The following TPST1 variants were observed in gnomAD, a reference collection of about 807,000 sequenced individuals.
TPST1 encodes tyrosylprotein sulfotransferase 1, also known as protein-tyrosine sulfotransferase 1.
In TPST1, 20 loss-of-function variants were observed where a neutral mutation model predicts 34.8. The observed-to-expected ratio is 0.57, with a 90% CI of 0.40 to 0.84. TPST1 has a LOEUF of 0.84. Ranked by LOEUF, TPST1 falls within the 40% of genes least tolerant of loss-of-function variation. The pLI, the probability that TPST1 is intolerant of heterozygous loss-of-function variation, is 0.00. For synonymous variants in TPST1, 152 were observed against 159.4 expected (o/e 0.95, Z 0.35); for missense variants, 353 against 455.5 (o/e 0.78, Z 2.05).
At chr7:66,315,687 T>C (rs1023790447) in intron 3 of TPST1, among the ~76,000 whole-genome samples, 43 of 152,218 alleles carry the variant, frequency 2.8e-4, no homozygotes, top group African/African-American at 1.0e-3. Context: ...AGTATAAATA[T>C]CTTGGTTCTT....
chr7:66,350,706 A>AT (rs1792459420), intron 3 of TPST1, among the ~76,000 whole-genome samples: 1 of 152,204 alleles, frequency 6.6e-6, no homozygotes, highest in South Asian at 2.1e-4. Context: ...CTGAAGGACT[A>AT]TCCAGTAACT....
intron 1 of TPST1, among the ~76,000 whole-genome samples, chr7:66,224,099 C>T (rs1789600601): frequency 6.6e-6 from 1 of 152,074 alleles, no homozygotes; most frequent in Non-Finnish European, 1.5e-5. Flanking sequence ...GGTCTGGTGC[C>T]AGCCCCTAAC....
chr7:66,199,456 A>G, the TPST1 span, among the ~76,000 whole-genome samples: 1 of 151,472 alleles, frequency 6.6e-6, no homozygotes, highest in Non-Finnish European at 1.5e-5. Context: ...CACCACACCC[A>G]GCTAATTTTT....
At chr7:66,280,795 AT>A (rs1790917454) in intron 2 of TPST1, among the ~76,000 whole-genome samples, 1 of 152,148 alleles carries the variant, frequency 6.6e-6, no homozygotes, top group Non-Finnish European at 1.5e-5. Flanking sequence ...GCTATTGTTC[AT>A]TACTTGATGC....
At chr7:66,351,616 C>T (rs939440315) in intron 3 of TPST1, among the ~76,000 whole-genome samples, 1 of 151,470 alleles carries the variant, frequency 6.6e-6, no homozygotes, top group Non-Finnish European at 1.5e-5. Context: ...CTATTCTTGG[C>T]CCTGTGTATT....
chr7:66,215,532 G>A (rs1174759678), intron 1 of TPST1, among the ~76,000 whole-genome samples: 2 of 150,570 alleles, frequency 1.3e-5, no homozygotes, highest in East Asian at 2.0e-4. Flanking sequence ...CTGCCACCAC[G>A]CCCAGCTAAT....
intron 3 of TPST1, among the ~76,000 whole-genome samples, chr7:66,321,281 G>A (rs1791751801): frequency 1.3e-5 from 2 of 152,208 alleles, no homozygotes; most frequent in African/African-American, 4.8e-5. Context: ...TTCCAATCAA[G>A]GAAGCTCACC....
chr7:66,298,730 A>G (rs1791251619), intron 3 of TPST1, among the ~76,000 whole-genome samples: 1 of 151,852 alleles, frequency 6.6e-6, no homozygotes, highest in Non-Finnish European at 1.5e-5. Flanking sequence ...TCCATTTTAT[A>G]TATTATCTCC....
chr7:66,217,399 A>G (rs976370020), intron 1 of TPST1, among the ~76,000 whole-genome samples: 1 of 151,902 alleles, frequency 6.6e-6, no homozygotes. Context: ...TTATAATTGT[A>G]TTTTTTTGAT....
chr7:66,264,914 C>CA lies in TPST1; in HGVS notation c.846-21591dup, dbSNP rs992064057. ...ATATCTTAAACAAAACAAAACAAAA[C>CA]AAAAAACCCAAAAACCTAACTGAAA... On this transcript the variant is annotated intron_variant, in intron 2 of 5. Transcript: ENST00000304842. Among the ~76,000 whole-genome samples the CA allele has an allele frequency of 7.2e-5, 11 of 152,002 alleles. 1 individual carries two copies. The highest frequency in any genetic ancestry group is 2.0e-4 in the Admixed American group (3 of 15,272).
At chr7:66,325,863 T>C (rs2116233704) in intron 3 of TPST1, among the ~76,000 whole-genome samples, 1 of 152,304 alleles carries the variant, frequency 6.6e-6, no homozygotes, top group East Asian at 1.9e-4. Context: ...CTCGAACTCC[T>C]GAGCTCGTGA....
intron 2 of TPST1, among the ~76,000 whole-genome samples, chr7:66,253,198 G>A (rs1158146865): frequency 6.6e-6 from 1 of 152,168 alleles, no homozygotes; most frequent in Non-Finnish European, 1.5e-5. Context: ...GAAGATGTAT[G>A]TAGGTTATAT....
chr7:66,277,089 T>C (rs1790832971), intron 2 of TPST1, among the ~76,000 whole-genome samples: 1 of 152,152 alleles, frequency 6.6e-6, no homozygotes, highest in African/African-American at 2.4e-5. Flanking sequence ...GGGCCTTCTC[T>C]TTCCTTTGTC....
chr7:66,314,602 G>T (rs963779990), intron 3 of TPST1, among the ~76,000 whole-genome samples: 14 of 152,204 alleles, frequency 9.2e-5, no homozygotes, highest in Admixed American at 3.3e-4. Context: ...TTAACGATGG[G>T]AATACATTGT....
chr7:66,335,345 A>G (rs1433041582), intron 3 of TPST1, among the ~76,000 whole-genome samples: 2 of 151,944 alleles, frequency 1.3e-5, no homozygotes, highest in Non-Finnish European at 2.9e-5. Flanking sequence ...AATCCCAGCT[A>G]CTTCAGAGGC....
At chr7:66,304,871 G>A (rs1791390691) in intron 3 of TPST1, among the ~76,000 whole-genome samples, 1 of 150,902 alleles carries the variant, frequency 6.6e-6, no homozygotes, top group South Asian at 2.1e-4. Context: ...AGGCTGCAGT[G>A]CAGTGGCGCC....
chr7:66,268,340 C>T (rs79371173), intron 2 of TPST1, among the ~76,000 whole-genome samples: 2,380 of 152,208 alleles, frequency 0.016, 59 homozygotes, highest in East Asian at 0.092. Flanking sequence ...GCTGTTGATA[C>T]CCCTCTTAGA....
intron 1 of TPST1, among the ~76,000 whole-genome samples, chr7:66,238,204 T>G (rs1789950459): frequency 6.6e-6 from 1 of 152,166 alleles, no homozygotes; most frequent in South Asian, 2.1e-4. Flanking sequence ...CACGGAGATT[T>G]GGAGAGTTCC....
At chr7:66,242,854 A>G (rs563425584) in intron 2 of TPST1, among the ~76,000 whole-genome samples, 11 of 152,232 alleles carry the variant, frequency 7.2e-5, no homozygotes, top group Non-Finnish European at 1.5e-4. Context: ...GAAAATTCAT[A>G]GAAATTATAT....
Sources: allele counts gnomAD v4.1 joint callset (sites outside exome capture counted in the v4.1 genomes callset), GRCh38; gene constraint gnomAD v4.1.1; transcripts MANE v1.5; gene names NCBI Gene and HGNC (gene_info 2026-07-23, HGNC 2026-07-21).